Variants in NBPF4 observed in about 807,000 individuals in gnomAD.
NBPF4 encodes the protein NBPF member 4, also known as NBPF family member NBPF4.
In NBPF4, 11 loss-of-function variants were observed where a neutral mutation model predicts 21.1. That is an observed-to-expected ratio of 0.52 (90% CI 0.33 to 0.86). NBPF4 has a LOEUF of 0.86. NBPF4 is among the 40% of genes least tolerant of loss of function. NBPF4 has a pLI of 0.03. For synonymous variants in NBPF4, 47 were observed against 106.4 expected (o/e 0.44, Z 3.43); for missense variants, 88 against 265.3 (o/e 0.33, Z 4.64).
At chr1:108,256,976 GA>G in the NBPF4 span, among the ~76,000 whole-genome samples, 3 of 142,622 alleles carry the variant, frequency 2.1e-5, no homozygotes, top group Non-Finnish European at 3.0e-5. Context: ...GCTGTTTCCG[GA>G]GGTTCCATTA....
the NBPF4 span, among the ~76,000 whole-genome samples, chr1:108,268,306 C>A: frequency 2.0e-5 from 3 of 146,350 alleles, no homozygotes; most frequent in Non-Finnish European, 4.5e-5. Context: ...TTAGAGTTTA[C>A]AGTTTTCATA....
In NBPF4 at chr1:108,223,524, G is replaced by A. The variant is rs1024409278; in HGVS notation, c.*181C>T. 4 of 685,010 alleles carry A rather than the reference G, an allele frequency of 5.8e-6. No individual in the cohort carries two copies. In the African/African-American group the frequency reaches 7.3e-5, roughly 12 times the overall value. 42.4% of individuals were successfully genotyped at this position (685,010 alleles called of 1,614,324 possible). On this transcript the variant is annotated 3_prime_UTR_variant, in exon 15 of 15. Coordinates refer to ENST00000415641, the MANE Select transcript of NBPF4 (RefSeq NM_001143989.3). ...CCCTAGGTATTGATCACAATTGGAG[G>A]GGGATGGAATGTGGCTTCTCAAATC...
chr1:108,241,328 A>G (rs1449421177), intron 3 of NBPF4, among the ~76,000 whole-genome samples, 164 bp from the exon 4 acceptor site: 1 of 130,418 alleles, frequency 7.7e-6, no homozygotes, highest in African/African-American at 2.9e-5. Flanking sequence ...AAGAATATAT[A>G]TATATATATA....
chr1:108,268,313 CATA>C, the NBPF4 span, among the ~76,000 whole-genome samples: 1 of 147,320 alleles, frequency 6.8e-6, no homozygotes, highest in East Asian at 2.0e-4. Flanking sequence ...TTACAGTTTT[CATA>C]ATAAGTTGGG....
Position 108,228,910 on chromosome 1 carries a change from C to T in NBPF4, c.1660+10G>A. 1 of 1,381,494 alleles carries T rather than the reference C, an allele frequency of 7.2e-7. No homozygotes were observed. The highest frequency in any genetic ancestry group is 2.5e-5 in the East Asian group (1 of 39,854). The allele number at this position is 1,381,494 out of a possible 1,614,324, so 85.6% of individuals were successfully genotyped here. A position where few individuals can be genotyped will look rare whatever the true frequency, so the allele number is the denominator to read the frequency against. ...GGATTAGAGCTTCATGACGCCGTTT[C>T]CTTCCCTACCTTGGAAGGGCCATTG... On this transcript the variant is annotated intron_variant, in intron 13 of 14. Coordinates refer to ENST00000415641, the MANE Select transcript of NBPF4 (RefSeq NM_001143989.3).
rs193224478 is a variant in NBPF4 at position 108,226,536 on chromosome 1, G to C, written c.1875+143C>G. On this transcript the variant is annotated intron_variant, in intron 14 of 14. Transcript: ENST00000415641. ...AGGGCCAGTCAGGGTGGGAGCCCAT[G>C]GGACACAGAGCTAAGACCAGACAGA... 5 of 848,964 alleles carry C rather than the reference G, an allele frequency of 5.9e-6. No individual in the cohort carries two copies. In the Admixed American group the frequency reaches 1.3e-4, roughly 23 times the overall value. The allele number at this position is 848,964 out of a possible 1,614,324, so 52.6% of individuals were successfully genotyped here.
Position 108,223,724 on chromosome 1 carries a change from G to A in NBPF4, c.1898C>T (p.Thr633Met), listed in dbSNP as rs2259312. 1.5e-4 allele frequency: 231 copies of A among 1,560,556 alleles called. No individual in the cohort carries two copies. Among genetic ancestry groups the A allele is most frequent in the African/African-American group, 5.5e-4 (40 of 72,176 alleles). ...SAEIPNTAGR[T>M]QRMAG is the part of the protein sequence containing the mutation. ...ATTCTTTCATCCTGCCATCCTTTGCGTCCTTCCAGCAGTATTTGGTATCTG... is the reference window on the plus strand; with the variant it reads ...ATTCTTTCATCCTGCCATCCTTTGCATCCTTCCAGCAGTATTTGGTATCTG... The change falls in exon 15 of 15, where the codon ACG becomes ATG. Residue 633 changes from threonine to methionine, a missense_variant. This residue lies in a region of NBPF4 where 17 missense variants were observed against 20.7 expected (regional missense o/e 0.82). Coordinates refer to ENST00000415641, the MANE Select transcript of NBPF4 (RefSeq NM_001143989.3).
At chr1:108,229,502 GA>G (rs1649597474) in intron 12 of NBPF4, among the ~76,000 whole-genome samples, 2 of 151,872 alleles carry the variant, frequency 1.3e-5, no homozygotes, top group South Asian at 4.1e-4. Context: ...CACAGGAGAG[GA>G]ATGGTTATTT....
chr1:108,223,740 T>C lies in NBPF4; in HGVS notation c.1882A>G (p.Asn628Asp). Reference protein sequence around the residue: ...GPHAESAEIPNTAGRTQRMAG With the variant: ...GPHAESAEIPDTAGRTQRMAG ...ATCCTTTGCGTCCTTCCAGCAGTAT[T>C]TGGTATCTGTAGGGGAGAGAGAGAA... The change falls in exon 15 of 15, where the codon AAT becomes GAT. Residue 628 changes from asparagine (N) to aspartate (D), a missense_variant. Coordinates refer to ENST00000415641, the MANE Select transcript of NBPF4 (RefSeq NM_001143989.3). 1 of 1,554,940 alleles carries C rather than the reference T, an allele frequency of 6.4e-7. No individual in the cohort carries two copies. Among genetic ancestry groups the C allele is most frequent in the Non-Finnish European group, 8.7e-7 (1 of 1,148,856 alleles).
chr1:108,258,626 T>C, the NBPF4 span, among the ~76,000 whole-genome samples: 1 of 131,790 alleles, frequency 7.6e-6, no homozygotes, highest in Admixed American at 8.2e-5. Flanking sequence ...AAGAGGAACG[T>C]CCCAACCTAT....
chr1:108,245,945 A>G (rs1409425944), upstream of NBPF4, among the ~76,000 whole-genome samples: 2 of 111,194 alleles, frequency 1.8e-5, no homozygotes, highest in Non-Finnish European at 1.8e-5. Flanking sequence ...AACCTCTATT[A>G]CCTGGAATTT....
chr1:108,259,757 C>G, the NBPF4 span, among the ~76,000 whole-genome samples: 1 of 151,454 alleles, frequency 6.6e-6, no homozygotes, highest in Non-Finnish European at 1.5e-5. Context: ...ATTAACATCC[C>G]TGGACTACAG....
chr1:108,254,020 A>G, the NBPF4 span, among the ~76,000 whole-genome samples: 14 of 70,420 alleles, frequency 2.0e-4, no homozygotes, highest in African/African-American at 8.5e-4. Flanking sequence ...CTGCCTTTTC[A>G]TGTTGTTGAT....
intron 1 of NBPF4, 21 bp from the exon 2 acceptor site, chr1:108,243,817 C>T (rs1649756807): frequency 2.4e-6 from 2 of 848,722 alleles, no homozygotes; most frequent in South Asian, 1.9e-5. Context: ...GAAACCCAGA[C>T]ACATGATGGG....
chr1:108,248,069 A>G (rs1219116261), upstream of NBPF4, among the ~76,000 whole-genome samples: 39 of 152,144 alleles, frequency 2.6e-4, no homozygotes, highest in Middle Eastern at 0.01. Flanking sequence ...CTTTTTATTG[A>G]AAAGTCTTTC....
the NBPF4 span, among the ~76,000 whole-genome samples, chr1:108,266,444 A>G: frequency 4.8e-5 from 6 of 125,754 alleles, no homozygotes; most frequent in African/African-American, 9.2e-5. Context: ...TTCTACTCCT[A>G]TCTTTACTAT....
chr1:108,257,393 A>G, the NBPF4 span, among the ~76,000 whole-genome samples: 2,306 of 150,438 alleles, frequency 0.015, 3 homozygotes, highest in African/African-American at 0.054. Flanking sequence ...TATACAACAA[A>G]TTATTGTTAA....
intron 14 of NBPF4, among the ~76,000 whole-genome samples, chr1:108,226,072 A>G (rs1230478038): frequency 7.5e-6 from 1 of 133,006 alleles, no homozygotes; most frequent in Non-Finnish European, 1.6e-5. Flanking sequence ...TAAGCTGCAC[A>G]TCTGGGGCTA....
Position 108,223,491 on chromosome 1 carries a change from A to G in NBPF4, c.*214T>C, listed in dbSNP as rs1649375479. 18 of 602,540 alleles carry G rather than the reference A, an allele frequency of 3.0e-5. 1 individual carries two copies. In the South Asian group the frequency reaches 3.6e-4, roughly 12 times the overall value. 37.3% of individuals were successfully genotyped at this position (602,540 alleles called of 1,614,324 possible). A position where few individuals can be genotyped will look rare whatever the true frequency, so the allele number is the denominator to read the frequency against. On this transcript the variant is annotated 3_prime_UTR_variant, in exon 15 of 15. Coordinates refer to ENST00000415641, the MANE Select transcript of NBPF4 (RefSeq NM_001143989.3). Reference sequence around the variant, plus strand: ...GTCAATGCTATTTGTCCATCTGGGCATTGGTCTCCCTAGGTATTGATCACA... The same window carrying G: ...GTCAATGCTATTTGTCCATCTGGGCGTTGGTCTCCCTAGGTATTGATCACA...
Sources: gnomAD v4.1 joint callset for allele counts (sites outside exome capture counted in the v4.1 genomes callset) on GRCh38, gnomAD v4.1.1 for gene constraint, gnomAD v4.1.1 regional missense constraint, MANE v1.5 for transcripts, NCBI Gene and HGNC (gene_info 2026-07-23, HGNC 2026-07-21) for gene names.